Variants in DTNB observed in about 807,000 individuals in gnomAD.
DTNB encodes the protein dystrobrevin beta.
In DTNB, 63 loss-of-function variants were observed where a neutral mutation model predicts 90.7. The ratio of observed to expected loss-of-function variants is 0.69; its 90% CI spans 0.57 to 0.86. DTNB has a LOEUF of 0.86. Among genes scored for constraint, DTNB ranks in the 40% least tolerant of loss-of-function variants. DTNB has a pLI of 0.00. For synonymous variants in DTNB, 277 were observed against 286.7 expected, an observed-to-expected ratio of 0.97 and a Z score of 0.34; for missense variants, 744 against 807.1, an observed-to-expected ratio of 0.92 and a Z score of 0.95.
chr2:25,383,809 C>T (rs200606748), intron 19 of DTNB, 27 bp downstream of exon 19: 26 of 1,614,044 alleles, frequency 1.6e-5, no homozygotes, highest in Middle Eastern at 1.6e-4. Context: ...CCCATTTAAA[C>T]GAGCAGTCCT....
intron 6 of DTNB, among the ~76,000 whole-genome samples, chr2:25,584,209 A>C (rs1482016533): frequency 6.6e-6 from 1 of 152,198 alleles, no homozygotes; most frequent in East Asian, 1.9e-4. Context: ...TTCTCTGAAG[A>C]GTGTACAGTG....
Position 25,607,422 on chromosome 2 carries a change from CT to C in DTNB, c.363-102del, listed in dbSNP as rs536275644. Reference sequence around the variant, plus strand: ...GCAACCCAGTAAGTTGATTCCTGACCTTGTCTGTTACAATTTTACCACATTT... The same window carrying C: ...GCAACCCAGTAAGTTGATTCCTGACCTGTCTGTTACAATTTTACCACATTT... On this transcript the variant is annotated intron_variant, in intron 4 of 20. Coordinates refer to ENST00000406818, the MANE Select transcript of DTNB (RefSeq NM_021907.5). 389 of 1,111,526 alleles carry C rather than the reference CT, an allele frequency of 3.5e-4. 1 individual carries two copies. The African/African-American group carries it at 5.4e-3, about 16-fold the overall frequency. 68.9% of individuals were successfully genotyped at this position (1,111,526 alleles called of 1,614,324 possible). A position where few individuals can be genotyped will look rare whatever the true frequency, so the allele number is the denominator to read the frequency against.
chr2:25,639,561 C>T (rs2077795728), intron 2 of DTNB, among the ~76,000 whole-genome samples: 1 of 151,716 alleles, frequency 6.6e-6, no homozygotes, highest in Non-Finnish European at 1.5e-5. Context: ...GGACCGGTTG[C>T]CTGAAAGGTC....
intron 4 of DTNB, among the ~76,000 whole-genome samples, chr2:25,618,625 G>A (rs147979113): frequency 1.2e-3 from 178 of 152,204 alleles, no homozygotes; most frequent in Middle Eastern, 3.4e-3. Flanking sequence ...GAAATATAAC[G>A]CCATTAACAG....
rs1254131797 is a variant in DTNB at position 25,546,068 on chromosome 2, C to T, written c.877-14471G>A. Among the ~76,000 whole-genome samples the T allele has an allele frequency of 3.9e-5, 6 of 152,198 alleles. No individual in the cohort carries two copies. In the East Asian group the frequency reaches 9.6e-4, roughly 24 times the overall value. On this transcript the variant is annotated intron_variant, in intron 8 of 20. Transcript: ENST00000406818. ...ACATACTCTGCCTTCCCAGCAAACC[C>T]TATGTTTATTTAACATTGGGACTTT...
chr2:25,493,812 A>G (rs1368010326), intron 9 of DTNB, among the ~76,000 whole-genome samples: 1 of 152,222 alleles, frequency 6.6e-6, no homozygotes, highest in Non-Finnish European at 1.5e-5. Context: ...GAAGTTTATA[A>G]TCAGTCCTCA....
intron 15 of DTNB, among the ~76,000 whole-genome samples, chr2:25,422,973 A>G (rs1190142077): frequency 1.3e-5 from 2 of 152,112 alleles, no homozygotes; most frequent in Non-Finnish European, 2.9e-5. Flanking sequence ...TGGGTGGATC[A>G]CCTGAGCTCA....
intron 9 of DTNB, among the ~76,000 whole-genome samples, chr2:25,529,032 A>G (rs993151145): frequency 5.3e-5 from 8 of 152,238 alleles, no homozygotes; most frequent in Non-Finnish European, 1.2e-4. Flanking sequence ...GAGGAACTCA[A>G]TAAGATGAGT....
At chr2:25,502,405 C>A (rs2070968067) in intron 9 of DTNB, among the ~76,000 whole-genome samples, 1 of 151,970 alleles carries the variant, frequency 6.6e-6, no homozygotes, top group Non-Finnish European at 1.5e-5. Context: ...AGTGGGTGCA[C>A]CACAACCATT....
intron 1 of DTNB, among the ~76,000 whole-genome samples, chr2:25,655,313 T>A (rs1202453636): frequency 6.6e-6 from 1 of 152,172 alleles, no homozygotes; most frequent in Non-Finnish European, 1.5e-5. Flanking sequence ...GATGCATGCC[T>A]CCAAAGATGC....
At chr2:25,432,748 G>C (rs1165728861) in intron 14 of DTNB, 138 bp downstream of exon 14, 24 of 838,248 alleles carry the variant, frequency 2.9e-5, no homozygotes, top group Non-Finnish European at 4.6e-5. Context: ...GCAACAGAAT[G>C]GGTGAACTCT....
At chr2:25,657,704 G>A (rs1304042261) in intron 1 of DTNB, among the ~76,000 whole-genome samples, 2 of 152,014 alleles carry the variant, frequency 1.3e-5, no homozygotes, top group Non-Finnish European at 2.9e-5. Context: ...CTGGGTGACG[G>A]AGCAAAACCC....
intron 16 of DTNB, among the ~76,000 whole-genome samples, chr2:25,396,731 T>TAAA (rs35592591): frequency 2.3e-4 from 20 of 87,610 alleles, no homozygotes; most frequent in Admixed American, 7.9e-4. Flanking sequence ...TAAAAGGAAC[T>TAAA]AAAAAAAAAA....
At chr2:25,405,842 G>A (rs1367814894) in intron 16 of DTNB, among the ~76,000 whole-genome samples, 2 of 152,102 alleles carry the variant, frequency 1.3e-5, no homozygotes, top group African/African-American at 2.4e-5. Context: ...TCTGTGCTCA[G>A]GAATCAAGCT....
intron 1 of DTNB, among the ~76,000 whole-genome samples, chr2:25,659,455 C>T (rs2082715364): frequency 6.6e-6 from 1 of 151,756 alleles, no homozygotes; most frequent in African/African-American, 2.4e-5. Flanking sequence ...GTCAATGAAA[C>T]TAAAAGCTAG....
chr2:25,583,397 A>G (rs1268941141), intron 6 of DTNB, among the ~76,000 whole-genome samples: 1 of 151,888 alleles, frequency 6.6e-6, no homozygotes, highest in Middle Eastern at 3.2e-3. Context: ...TCATAAATTA[A>G]AAGTTTAATA....
intron 15 of DTNB, among the ~76,000 whole-genome samples, chr2:25,423,611 C>G (rs2050519648): frequency 6.6e-6 from 1 of 152,040 alleles, no homozygotes; most frequent in South Asian, 2.1e-4. Flanking sequence ...GAATTAAATG[C>G]TAGCATACTG....
intron 8 of DTNB, among the ~76,000 whole-genome samples, chr2:25,565,559 A>G (rs1219482340): frequency 6.6e-6 from 1 of 152,130 alleles, no homozygotes; most frequent in Non-Finnish European, 1.5e-5. Flanking sequence ...TGGGTTTTTC[A>G]TAGATGTCCT....
chr2:25,544,648 A>G (rs1330000569), intron 8 of DTNB, among the ~76,000 whole-genome samples: 6 of 152,202 alleles, frequency 3.9e-5, no homozygotes, highest in Non-Finnish European at 7.3e-5. Flanking sequence ...CTATTTTAAC[A>G]TGAACACTTA....
Sources: allele counts gnomAD v4.1 joint callset (sites outside exome capture counted in the v4.1 genomes callset), GRCh38; gene constraint gnomAD v4.1.1; transcripts MANE v1.5; gene names NCBI Gene and HGNC (gene_info 2026-07-23, HGNC 2026-07-21).